TMEM163: variants seen among roughly 807,000 people sequenced by gnomAD.
TMEM163 encodes transmembrane protein 163.
In TMEM163, 17 loss-of-function variants were observed where a neutral mutation model predicts 29.3. That is an observed-to-expected ratio of 0.58 (90% CI 0.40 to 0.87). The LOEUF (loss-of-function observed/expected upper bound fraction) is 0.87. Among genes scored for constraint, TMEM163 ranks in the 40% least tolerant of loss-of-function variants. The probability of loss-of-function intolerance (pLI) is 0.00; values close to 1 mark genes in which losing one functional copy is unlikely to be tolerated. For synonymous variants in TMEM163, 157 were observed against 160.6 expected (o/e 0.98, Z 0.17); for missense variants, 303 against 381.5 (o/e 0.79, Z 1.71).
At chr2:134,594,118 C>G (rs1375847188) in intron 2 of TMEM163, among the ~76,000 whole-genome samples, 1 of 152,156 alleles carries the variant, frequency 6.6e-6, no homozygotes, top group Non-Finnish European at 1.5e-5. Context: ...ACTTCCCCAC[C>G]TTACCCAGCA....
intron 2 of TMEM163, among the ~76,000 whole-genome samples, chr2:134,596,403 G>C (rs1308398933): frequency 6.6e-6 from 1 of 152,120 alleles, no homozygotes; most frequent in Non-Finnish European, 1.5e-5. Context: ...TGTCAGGTTT[G>C]TCAAAGATCA....
At chr2:134,564,765 T>C (rs2104780072) in intron 2 of TMEM163, among the ~76,000 whole-genome samples, 1 of 152,252 alleles carries the variant, frequency 6.6e-6, no homozygotes, top group Non-Finnish European at 1.5e-5. Flanking sequence ...TACTTATTGG[T>C]AACCAGGGAC....
At chr2:134,472,830 T>G (rs914774663) in intron 5 of TMEM163, among the ~76,000 whole-genome samples, 7 of 152,348 alleles carry the variant, frequency 4.6e-5, no homozygotes, top group African/African-American at 1.7e-4. Flanking sequence ...TCACATTCTA[T>G]GCCATTAAAA....
At chr2:134,565,116 T>C (rs1272591252) in intron 2 of TMEM163, among the ~76,000 whole-genome samples, 1 of 151,900 alleles carries the variant, frequency 6.6e-6, no homozygotes, top group East Asian at 1.9e-4. Flanking sequence ...CGCGTGCCTG[T>C]AATCCCAGCT....
At chr2:134,503,186 TGATCACCAAAGTCAACCACAGGGAAAAGA>T (rs1461370549) in intron 4 of TMEM163, among the ~76,000 whole-genome samples, 189 bp from the exon 5 acceptor site, 1 of 152,196 alleles carries the variant, frequency 6.6e-6, no homozygotes, top group Non-Finnish European at 1.5e-5. Flanking sequence ...GTTCAGAGTT[TGATCACCAAAGTCAACCACAGGGAAAAGA>T]GATCACCATC....
chr2:134,689,159 A>T (rs1165947782), intron 2 of TMEM163, among the ~76,000 whole-genome samples: 1 of 137,346 alleles, frequency 7.3e-6, no homozygotes, highest in Non-Finnish European at 1.5e-5. Flanking sequence ...CCCAGGCTGG[A>T]GTGCAATGGC....
At chr2:134,623,271 C>G (rs1181311297) in intron 2 of TMEM163, among the ~76,000 whole-genome samples, 4 of 152,182 alleles carry the variant, frequency 2.6e-5, no homozygotes, top group African/African-American at 9.7e-5. Context: ...CATAACAATG[C>G]AGACCTCAGA....
intron 4 of TMEM163, 65 bp from the exon 5 acceptor site, chr2:134,503,062 A>G: frequency 1.4e-6 from 2 of 1,439,548 alleles, no homozygotes; most frequent in African/African-American, 1.4e-5. Flanking sequence ...AGTCCACACA[A>G]TTGACAGTGA....
intron 2 of TMEM163, among the ~76,000 whole-genome samples, chr2:134,554,337 A>T (rs958727764): frequency 6.6e-6 from 1 of 151,010 alleles, no homozygotes; most frequent in African/African-American, 2.4e-5. Flanking sequence ...GAGGCAGGAG[A>T]ATCACTTGAA....
At chr2:134,532,669 C>CT (rs1680440710) in intron 4 of TMEM163, among the ~76,000 whole-genome samples, 1 of 152,320 alleles carries the variant, frequency 6.6e-6, no homozygotes, top group South Asian at 2.1e-4. Context: ...CTGTCCCTGG[C>CT]TTTAGTTACT....
chr2:134,637,483 GAATC>G (rs1683130146), intron 2 of TMEM163, among the ~76,000 whole-genome samples: 1 of 152,188 alleles, frequency 6.6e-6, no homozygotes, highest in African/African-American at 2.4e-5. Flanking sequence ...AAAAATGAAT[GAATC>G]AATAAATGAA....
At chr2:134,528,292 GCTTA>G (rs1270776229) in intron 4 of TMEM163, among the ~76,000 whole-genome samples, 1 of 152,186 alleles carries the variant, frequency 6.6e-6, no homozygotes, top group Non-Finnish European at 1.5e-5. Context: ...TTATCAGATG[GCTTA>G]CTTAACAGAT....
chr2:134,526,959 CAGAT>C (rs1299495031), intron 4 of TMEM163, among the ~76,000 whole-genome samples: 1 of 152,186 alleles, frequency 6.6e-6, no homozygotes, highest in Non-Finnish European at 1.5e-5. Flanking sequence ...CTGTTCAAGA[CAGAT>C]AAACAGATGA....
At chr2:134,571,284 T>C (rs16830811) in intron 2 of TMEM163, among the ~76,000 whole-genome samples, 7,501 of 152,250 alleles carry the variant, frequency 0.049, 307 homozygotes, top group Middle Eastern at 0.14. Context: ...TCGCTTTCCA[T>C]TGACCCTTTC....
rs1686382199 is a variant in TMEM163 at position 134,456,115 on chromosome 2, ATG to A, written c.*599_*600del. The A allele has an allele frequency of 6.5e-6, 1 of 152,768 alleles. No homozygotes were observed. Among genetic ancestry groups the A allele is most frequent in the Non-Finnish European group, 1.5e-5 (1 of 68,146 alleles). The allele number at this position is 152,768 out of a possible 1,614,324, so 9.5% of individuals were successfully genotyped here. A position where few individuals can be genotyped will look rare whatever the true frequency, so the allele number is the denominator to read the frequency against. ...GTCAATGTGCTTATTTAATTCGTCC[ATG>A]CAAAGCTTATACGTGTATCACTAAG... is the stretch of plus-strand genomic sequence containing the variant. On this transcript the variant is annotated 3_prime_UTR_variant, in exon 8 of 8. Transcript: ENST00000281924.
chr2:134,529,566 T>A (rs576697761), intron 4 of TMEM163, among the ~76,000 whole-genome samples: 1 of 151,918 alleles, frequency 6.6e-6, no homozygotes, highest in East Asian at 2.0e-4. Flanking sequence ...CTGGCCAACA[T>A]GGAGAAACCC....
At chr2:134,630,448 GC>G (rs1427326171) in intron 2 of TMEM163, among the ~76,000 whole-genome samples, 3 of 151,904 alleles carry the variant, frequency 2.0e-5, no homozygotes, top group African/African-American at 7.3e-5. Flanking sequence ...CCCTTATTAG[GC>G]CCCTCATATC....
intron 5 of TMEM163, among the ~76,000 whole-genome samples, chr2:134,489,539 T>G (rs1679383745): frequency 1.3e-5 from 2 of 148,326 alleles, no homozygotes. Flanking sequence ...ATCGCACCAC[T>G]GCACTCCAGC....
rs148561133 is a variant in TMEM163, at chr2:134,624,027, A to G, written c.323-71936T>C. 5.6e-3 allele frequency among the ~76,000 whole-genome samples: 852 copies of G among 152,326 alleles called. 6 individuals carry two copies. Among genetic ancestry groups the G allele is most frequent in the Non-Finnish European group, 8.5e-3 (575 of 68,030 alleles). On this transcript the variant is annotated intron_variant, in intron 2 of 7. Transcript: ENST00000281924. ...TTCCGCCCCAGAACTGGAGTTTCTT[A>G]ATCACTATCCAGACGTTAAAATAAG...
Sources: allele counts gnomAD v4.1 joint callset (sites outside exome capture counted in the v4.1 genomes callset), GRCh38; gene constraint gnomAD v4.1.1; transcripts MANE v1.5; gene names NCBI Gene and HGNC (gene_info 2026-07-23, HGNC 2026-07-21).